Variants in ASXL3 observed in about 807,000 individuals in gnomAD.
ASXL3 encodes putative Polycomb group protein ASXL3.
ASXL3 carries 34 observed loss-of-function variants against 170.6 expected under a neutral mutation model. The observed-to-expected ratio is 0.20, with a 90% CI of 0.15 to 0.27. ASXL3 has a LOEUF of 0.27. Ranked by LOEUF, ASXL3 falls within the 10% of genes least tolerant of loss-of-function variation. ASXL3 has a pLI of 1.00. For synonymous variants in ASXL3, 1,002 were observed against 989.1 expected (o/e 1.01, Z -0.24); for missense variants, 2,592 against 2,695.3 (o/e 0.96, Z 0.85).
chr18:33,674,807 A>G (rs963133535), intron 7 of ASXL3, among the ~76,000 whole-genome samples: 5 of 151,904 alleles, frequency 3.3e-5, no homozygotes, highest in Non-Finnish European at 7.4e-5. Context: ...TTTAGTAGAG[A>G]CGGGGTTTCA....
intron 2 of ASXL3, among the ~76,000 whole-genome samples, chr18:33,619,499 C>T (rs112693494): frequency 0.016 from 2,481 of 150,724 alleles, 78 homozygotes; most frequent in African/African-American, 0.057. Context: ...GGATGCAAAA[C>T]CTCACACCGT....
chr18:33,588,270 A>G (rs1187075578), intron 1 of ASXL3, among the ~76,000 whole-genome samples: 1 of 152,152 alleles, frequency 6.6e-6, no homozygotes. Flanking sequence ...TACATGATGC[A>G]GTGCTGAATG....
At chr18:33,619,579 T>G (rs2065478557) in intron 2 of ASXL3, among the ~76,000 whole-genome samples, 1 of 152,018 alleles carries the variant, frequency 6.6e-6, no homozygotes, top group South Asian at 2.1e-4. Context: ...GCATGACATA[T>G]TTTAAATGTA....
Position 33,676,222 on chromosome 18 carries a change from C to CAAAAAAAAAAAAAAAAAAAAAA in ASXL3, c.715+4360_715+4381dup, listed in dbSNP as rs568221465. Among the ~76,000 whole-genome samples, 117 of 41,708 alleles carry CAAAAAAAAAAAAAAAAAAAAAA rather than the reference C, an allele frequency of 2.8e-3. 17 individuals carry two copies. Among genetic ancestry groups the CAAAAAAAAAAAAAAAAAAAAAA allele is most frequent in the East Asian group, 6.5e-3 (5 of 768 alleles). 27.4% of individuals were successfully genotyped at this position (41,708 alleles called of 152,430 possible). ...CTGGGTGACGAGCGAGACTCCGTCT[C>CAAAAAAAAAAAAAAAAAAAAAA]AAAAAAAAAAAAAAAAAAAAAAAAA... On this transcript the variant is annotated intron_variant, in intron 7 of 11. Coordinates refer to ENST00000269197, the MANE Select transcript of ASXL3 (RefSeq NM_030632.3).
rs767294351 is a variant in ASXL3, at chr18:33,743,865, C to A, written c.4017C>A (p.Thr1339=). 1.9e-6 allele frequency: 3 copies of A among 1,613,916 alleles called. No homozygotes were observed. Among genetic ancestry groups the A allele is most frequent in the Admixed American group, 1.7e-5 (1 of 60,008 alleles). ...GTAACTTAGTCTCCACTCAGTACAC[C>A]TCTGTGCCAACTCCCTCCATCGGAA... is the stretch of plus-strand genomic sequence containing the variant. ...SASNLVSTQY[T]SVPTPSIGNN... is the part of the protein sequence containing the mutation. The change falls in exon 12 of 12, where the codon ACC becomes ACA. Residue 1339 remains threonine, a synonymous_variant. Coordinates refer to ENST00000269197, the MANE Select transcript of ASXL3 (RefSeq NM_030632.3).
intron 1 of ASXL3, 25 bp downstream of exon 1, chr18:33,578,710 C>A: frequency 1.7e-6 from 2 of 1,200,024 alleles, no homozygotes; most frequent in Non-Finnish European, 2.1e-6. Flanking sequence ...CCACACGCCG[C>A]CCGCGCCTCC....
At chr18:33,690,555 G>C (rs185059513) in intron 8 of ASXL3, among the ~76,000 whole-genome samples, 29 of 152,216 alleles carry the variant, frequency 1.9e-4, no homozygotes, top group Admixed American at 1.9e-3. Flanking sequence ...TTTCCAGATA[G>C]CTCTATCTTG....
chr18:33,744,348 G>T lies in ASXL3; in HGVS notation c.4500G>T (p.Leu1500=). ...SVESSEASLD[L]QGRPVRTEAS... is the part of the protein sequence containing the mutation. ...AAAGCTCAGAAGCCAGCTTGGACCTGCAGGGCAGACCAGTGAGGACAGAGG... is the reference window on the plus strand; with the variant it reads ...AAAGCTCAGAAGCCAGCTTGGACCTTCAGGGCAGACCAGTGAGGACAGAGG... Residue 1500 remains leucine, a synonymous_variant, in exon 12 of 12, where the codon CTG becomes CTT. Coordinates refer to ENST00000269197, the MANE Select transcript of ASXL3 (RefSeq NM_030632.3). 2 of 1,614,014 alleles carry T rather than the reference G, an allele frequency of 1.2e-6. No homozygotes were observed. Among genetic ancestry groups the T allele is most frequent in the African/African-American group, 1.3e-5 (1 of 75,062 alleles).
At chr18:33,737,478 A>T (rs2067567785) in intron 10 of ASXL3, among the ~76,000 whole-genome samples, 1 of 152,142 alleles carries the variant, frequency 6.6e-6, no homozygotes. Flanking sequence ...CTGACAGTGT[A>T]AATTATATGA....
intron 2 of ASXL3, among the ~76,000 whole-genome samples, chr18:33,632,826 A>G (rs1440920424): frequency 6.6e-6 from 1 of 152,150 alleles, no homozygotes; most frequent in East Asian, 1.9e-4. Flanking sequence ...TCTTTGTGCT[A>G]ATAAATGGAC....
intron 7 of ASXL3, among the ~76,000 whole-genome samples, chr18:33,674,737 A>AC (rs776185782): frequency 6.6e-6 from 1 of 151,390 alleles, no homozygotes; most frequent in South Asian, 2.1e-4. Context: ...TGCTGCCTCA[A>AC]CCCCCCGAGT....
Position 33,603,297 on chromosome 18 carries a change from GA to G in ASXL3, c.55-4294del, listed in dbSNP as rs532031933. 3.4e-4 allele frequency among the ~76,000 whole-genome samples: 52 copies of G among 152,142 alleles called. No homozygotes were observed. The East Asian group carries it at 8.6e-3, about 25-fold the overall frequency. ...TGCTTGAGCCAGTGTTCCTGGGCCA[GA>G]AAGGTACTTAAGGACCAAAGTTAAC... is the stretch of plus-strand genomic sequence containing the variant. On this transcript the variant is annotated intron_variant, in intron 1 of 11. Coordinates refer to ENST00000269197, the MANE Select transcript of ASXL3 (RefSeq NM_030632.3).
intron 5 of ASXL3, among the ~76,000 whole-genome samples, chr18:33,669,735 A>G (rs1173855637): frequency 6.6e-6 from 1 of 152,206 alleles, no homozygotes; most frequent in Non-Finnish European, 1.5e-5. Flanking sequence ...GGTAGAAATT[A>G]CACAGAAACT....
rs1305421501 is a variant in ASXL3, at chr18:33,748,306, AAT to A, written c.*1714_*1715del. On this transcript the variant is annotated 3_prime_UTR_variant, in exon 12 of 12. Coordinates refer to ENST00000269197, the MANE Select transcript of ASXL3 (RefSeq NM_030632.3). ...ATTTTTTTATAATAACCAACTATATAATATGTTTTTTTCTCCGTATTTATTGT... is the reference window on the plus strand; with the variant it reads ...ATTTTTTTATAATAACCAACTATATAATGTTTTTTTCTCCGTATTTATTGT... The A allele has an allele frequency of 1.3e-5, 2 of 152,148 alleles. No individual in the cohort carries two copies. Among genetic ancestry groups the A allele is most frequent in the African/African-American group, 2.4e-5 (1 of 41,434 alleles). 9.4% of individuals were successfully genotyped at this position (152,148 alleles called of 1,614,324 possible). A position where few individuals can be genotyped will look rare whatever the true frequency, so the allele number is the denominator to read the frequency against.
chr18:33,744,049 G>C lies in ASXL3; in HGVS notation c.4201G>C (p.Val1401Leu). 6.2e-7 allele frequency: 1 copy of C among 1,614,016 alleles called. No individual in the cohort carries two copies. The change falls in exon 12 of 12, where the codon GTA (valine) becomes CTA (leucine). Residue 1401 changes from valine to leucine, a missense_variant. Coordinates refer to ENST00000269197, the MANE Select transcript of ASXL3 (RefSeq NM_030632.3). ...VRAALSCSDS[V>L]AVTDSLVAHP... ...AGCAGCCCTCAGCTGCAGTGATTCTGTAGCGGTCACAGACTCTCTGGTTGC... is the reference window on the plus strand; with the variant it reads ...AGCAGCCCTCAGCTGCAGTGATTCTCTAGCGGTCACAGACTCTCTGGTTGC...
At chr18:33,638,422 G>A (rs920388548) in intron 2 of ASXL3, among the ~76,000 whole-genome samples, 18 of 152,022 alleles carry the variant, frequency 1.2e-4, no homozygotes, top group Admixed American at 5.3e-4. Flanking sequence ...ATTACCAGAG[G>A]AAGATAACCA....
intron 8 of ASXL3, among the ~76,000 whole-genome samples, chr18:33,725,064 A>G (rs1363345460): frequency 1.3e-5 from 2 of 152,100 alleles, no homozygotes; most frequent in African/African-American, 4.8e-5. Context: ...TTTTAAAGAG[A>G]GTCAATACTC....
chr18:33,703,390 C>T (rs1288521748), intron 8 of ASXL3, among the ~76,000 whole-genome samples: 1 of 152,126 alleles, frequency 6.6e-6, no homozygotes, highest in Non-Finnish European at 1.5e-5. Context: ...CAGCTTACCT[C>T]TTCTGGAATG....
At chr18:33,629,283 A>T (rs1237820919) in intron 2 of ASXL3, among the ~76,000 whole-genome samples, 25 of 152,128 alleles carry the variant, frequency 1.6e-4, no homozygotes, top group Admixed American at 1.6e-3. Context: ...TCCAGAAACT[A>T]TTTCCTGAAA....
Sources: gnomAD v4.1 joint callset for allele counts (sites outside exome capture counted in the v4.1 genomes callset) on GRCh38, gnomAD v4.1.1 for gene constraint, MANE v1.5 for transcripts, NCBI Gene and HGNC (gene_info 2026-07-23, HGNC 2026-07-21) for gene names.